Variants in RAD21 observed in about 807,000 individuals in gnomAD.
RAD21 encodes RAD21 cohesin complex component.
A neutral mutation model predicts 71.5 loss-of-function variants in RAD21; 18 were observed. That is an observed-to-expected ratio of 0.25 (90% confidence interval 0.17 to 0.37). RAD21 has a LOEUF of 0.37. RAD21 is among the 10% of genes least tolerant of loss of function. The pLI, the probability that RAD21 is intolerant of heterozygous loss-of-function variation, is 1.00. For synonymous variants in RAD21, 248 were observed against 254.0 expected, an observed-to-expected ratio of 0.98 and a Z score of 0.22; for missense variants, 493 against 769.1, an observed-to-expected ratio of 0.64 and a Z score of 4.25.
intron 11 of RAD21, chr8:116,851,225 A>G (rs1812342244): frequency 6.6e-6 from 1 of 152,558 alleles, no homozygotes; most frequent in Non-Finnish European, 1.5e-5. Flanking sequence ...AAAGTCTTTA[A>G]AAGAAACTAA....
intron 4 of RAD21, among the ~76,000 whole-genome samples, chr8:116,860,419 G>C (rs1812567465): frequency 6.6e-6 from 1 of 152,120 alleles, no homozygotes. Context: ...CCATGAAAGA[G>C]TCAATTGATG....
At chr8:116,856,553 A>G (rs915771873) in intron 7 of RAD21, 93 bp downstream of exon 7, 2 of 1,363,150 alleles carry the variant, frequency 1.5e-6, no homozygotes, top group South Asian at 3.5e-5. Context: ...AATTCACTAA[A>G]AACTACAACT....
chr8:116,847,801 G>A, intron 13 of RAD21, 110 bp from the exon 14 acceptor site: 2 of 1,073,022 alleles, frequency 1.9e-6, no homozygotes, highest in Middle Eastern at 2.5e-4. Context: ...ATGCTGAAAC[G>A]TAATTTCCCA....
chr8:116,854,137 C>T (rs1284257939), intron 9 of RAD21, 108 bp downstream of exon 9: 3 of 830,236 alleles, frequency 3.6e-6, no homozygotes, highest in Admixed American at 2.8e-5. Context: ...AGAAAATGTG[C>T]CATACAGTTG....
intron 4 of RAD21, among the ~76,000 whole-genome samples, chr8:116,859,687 G>A (rs1323872463): frequency 1.4e-5 from 2 of 141,376 alleles, no homozygotes; most frequent in African/African-American, 2.7e-5. Flanking sequence ...CCCTCTTCTT[G>A]GGCCTCCCTG....
intron 8 of RAD21, 39 bp downstream of exon 8, chr8:116,856,127 T>C (rs1204579629): frequency 1.3e-5 from 20 of 1,583,542 alleles, no homozygotes; most frequent in South Asian, 4.5e-5. Flanking sequence ...TAGGACCTTA[T>C]GTTGTATGCT....
chr8:116,873,636 G>GT (rs113285290), intron 1 of RAD21, among the ~76,000 whole-genome samples: 42,327 of 149,682 alleles, frequency 0.28, 5,940 homozygotes, highest in South Asian at 0.47. Flanking sequence ...CACAAACGCT[G>GT]TTTTTTTTTT....
Position 116,852,109 on chromosome 8 carries a change from A to C in RAD21, c.1322-13T>G. ...ATAATGGGCTCATCTGCAATTGGTC[A>C]TATGAAGAGAAAACATAGGTCATAC... On this transcript the variant is annotated splice_polypyrimidine_tract_variant and intron_variant, in intron 10 of 13. Coordinates refer to ENST00000297338, the MANE Select transcript of RAD21 (RefSeq NM_006265.3). 1 of 1,590,818 alleles carries C rather than the reference A, an allele frequency of 6.3e-7. No individual in the cohort carries two copies. The highest frequency in any genetic ancestry group is 8.6e-7 in the Non-Finnish European group (1 of 1,161,764).
At chr8:116,872,665 T>C (rs941654909) in intron 1 of RAD21, among the ~76,000 whole-genome samples, 1 of 152,174 alleles carries the variant, frequency 6.6e-6, no homozygotes, top group Non-Finnish European at 1.5e-5. Flanking sequence ...TAACTAGCAG[T>C]TAAGCTGCCT....
intron 4 of RAD21, among the ~76,000 whole-genome samples, chr8:116,861,195 C>G (rs565099630): frequency 6.6e-6 from 1 of 152,114 alleles, no homozygotes; most frequent in African/African-American, 2.4e-5. Flanking sequence ...GCAGAGAAAT[C>G]TGTAATGGTG....
At position 116,856,706 on chromosome 8, in the gene RAD21, C is replaced by T. The variant is rs368891037; in HGVS notation, c.754G>A (p.Gly252Arg). ...GCAGGCTGCTCTGGCAACATCACCC[C>T]TGCCTCAGAGAGGGCAGGGGGATCA... is the stretch of plus-strand genomic sequence containing the variant. ...FDDPPALSEA[G>R]VMLPEQPAHD... Residue 252 changes from glycine to arginine, a missense_variant, in exon 7 of 14, where the codon GGG becomes AGG. Gly to Arg is a moderately radical substitution (Grantham distance 125). Around this residue, in one of 5 missense-constraint regions of RAD21, gnomAD observed 165 missense variants for 229.6 expected, o/e 0.72. Coordinates refer to ENST00000297338, the MANE Select transcript of RAD21 (RefSeq NM_006265.3). 9 of 1,592,544 alleles carry T rather than the reference C, an allele frequency of 5.7e-6. No homozygotes were observed. The highest frequency in any genetic ancestry group is 7.7e-6 in the Non-Finnish European group (9 of 1,168,940).
chr8:116,868,896 C>T (rs1812751335), intron 1 of RAD21, among the ~76,000 whole-genome samples: 3 of 149,342 alleles, frequency 2.0e-5, no homozygotes, highest in South Asian at 2.2e-4. Flanking sequence ...TGATTAAATA[C>T]GATCTGAAGA....
intron 1 of RAD21, chr8:116,874,075 C>T (rs1482382236): frequency 6.6e-6 from 1 of 150,500 alleles, no homozygotes; most frequent in Non-Finnish European, 1.5e-5. Context: ...CCCCGCCCCA[C>T]CCCGCCCAGC....
At chr8:116,852,734 T>C in intron 9 of RAD21, 26 bp from the exon 10 acceptor site, 1 of 1,359,286 alleles carries the variant, frequency 7.4e-7, no homozygotes, top group Non-Finnish European at 9.8e-7. Context: ...AAAAGAAAAA[T>C]TTCAATTATA....
chr8:116,874,168 GGGC>G (rs1213815439), intron 1 of RAD21: 4 of 150,486 alleles, frequency 2.7e-5, no homozygotes, highest in African/African-American at 9.8e-5. Context: ...CGCGGGCGCC[GGGC>G]CCGCCACCGC....
In RAD21 at chr8:116,857,428, G is replaced by A. The variant is rs1324728772; in HGVS notation, c.527C>T (p.Ala176Val). The A allele has an allele frequency of 6.2e-7, 1 of 1,613,260 alleles. No homozygotes were observed. The highest frequency in any genetic ancestry group is 1.3e-5 in the African/African-American group (1 of 74,870). Residue 176 changes from alanine (A) to valine (V), a missense_variant, in exon 6 of 14, where the codon GCT becomes GTT. Transcript: ENST00000297338. Reference protein sequence around the residue: ...DDREIMREGSAFEDDDMLVST... With the variant: ...DDREIMREGSVFEDDDMLVST... ...TACTAACATGTCGTCATCCTCAAAAGCACTGCCTTCTCTCATTATCTCACG... is the reference window on the plus strand; with the variant it reads ...TACTAACATGTCGTCATCCTCAAAAACACTGCCTTCTCTCATTATCTCACG...
At chr8:116,857,623 C>T (rs1812497221) in intron 5 of RAD21, 150 bp from the exon 6 acceptor site, 1 of 729,512 alleles carries the variant, frequency 1.4e-6, no homozygotes, top group Non-Finnish European at 2.2e-6. Context: ...AACTTTAATT[C>T]TTTAGCATCT....
chr8:116,861,576 C>T (rs1294756077), intron 4 of RAD21, among the ~76,000 whole-genome samples: 1 of 151,750 alleles, frequency 6.6e-6, no homozygotes, highest in African/African-American at 2.4e-5. Context: ...ACAAGCGTAT[C>T]TGTTTCAGTT....
In RAD21 at chr8:116,870,407, T is replaced by C. The variant is rs189931597; in HGVS notation, c.-32-3646A>G. 2.6e-4 allele frequency among the ~76,000 whole-genome samples: 39 copies of C among 152,358 alleles called. No individual in the cohort carries two copies. The East Asian group carries it at 7.3e-3, about 29-fold the overall frequency. On this transcript the variant is annotated intron_variant, in intron 1 of 13. Coordinates refer to ENST00000297338, the MANE Select transcript of RAD21 (RefSeq NM_006265.3). ...TAAAGAATGAAGAAATACTATATTC[T>C]ATACTAAGAACTCAGACAAAATATT...
Sources: gnomAD v4.1 joint callset for allele counts (sites outside exome capture counted in the v4.1 genomes callset) on GRCh38, gnomAD v4.1.1 for gene constraint, gnomAD v4.1.1 regional missense constraint, MANE v1.5 for transcripts, NCBI Gene and HGNC (gene_info 2026-07-23, HGNC 2026-07-21) for gene names.